ROBO2: variants seen among roughly 807,000 people sequenced by gnomAD.
ROBO2 encodes the protein roundabout guidance receptor 2.
Under a neutral mutation model 160.8 loss-of-function variants are expected in ROBO2, and 53 were observed. The observed-to-expected ratio is 0.33, with a 90% CI of 0.26 to 0.41. The LOEUF is 0.41. Among genes scored for constraint, ROBO2 ranks in the 10% least tolerant of loss-of-function variants. The pLI is 1.00. For missense variants in ROBO2, 1,577 were observed against 1,722.4 expected (o/e 0.92, Z 1.49); for synonymous variants, 664 against 611.7 (o/e 1.09, Z -1.26).
intron 2 of ROBO2, among the ~76,000 whole-genome samples, chr3:75,986,967 A>C (rs2065432082): frequency 6.6e-6 from 1 of 151,728 alleles, no homozygotes; most frequent in Admixed American, 6.6e-5. Context: ...TGTTTTGATT[A>C]CTGAAGGTTT....
intron 12 of ROBO2, 135 bp from the exon 14 acceptor site, chr3:77,568,178 C>T (rs1373002310): frequency 2.2e-6 from 2 of 911,608 alleles, no homozygotes; most frequent in Non-Finnish European, 3.4e-6. Context: ...GGCTTAAATG[C>T]TTTTTGTCAC....
At chr3:77,278,904 C>A (rs2060062651) in intron 2 of ROBO2, among the ~76,000 whole-genome samples, 1 of 152,040 alleles carries the variant, frequency 6.6e-6, no homozygotes, top group African/African-American at 2.4e-5. Flanking sequence ...TTGAAACTAA[C>A]AATTGTTCTA....
At chr3:77,214,032 G>A (rs1013652281) in intron 2 of ROBO2, among the ~76,000 whole-genome samples, 3 of 152,126 alleles carry the variant, frequency 2.0e-5, no homozygotes, top group African/African-American at 7.2e-5. Context: ...GTGTGGTGTG[G>A]TGCTGAAAAG....
intron 2 of ROBO2, among the ~76,000 whole-genome samples, chr3:77,237,643 T>C (rs2088275295): frequency 6.6e-6 from 1 of 152,214 alleles, no homozygotes; most frequent in African/African-American, 2.4e-5. Flanking sequence ...TATTCACCTA[T>C]TGACATGTCA....
chr3:77,201,999 A>C (rs529633350), intron 2 of ROBO2, among the ~76,000 whole-genome samples: 6 of 152,158 alleles, frequency 3.9e-5, no homozygotes, highest in Non-Finnish European at 8.8e-5. Context: ...TAGGATTAAA[A>C]CAAATTATAT....
chr3:76,246,553 G>A (rs1361848712), intron 2 of ROBO2, among the ~76,000 whole-genome samples: 1 of 152,010 alleles, frequency 6.6e-6, no homozygotes, highest in Non-Finnish European at 1.5e-5. Context: ...ATTATTAGTA[G>A]GTTTATGCAT....
At chr3:77,115,559 A>C (rs1455405966) in intron 2 of ROBO2, among the ~76,000 whole-genome samples, 1 of 152,204 alleles carries the variant, frequency 6.6e-6, no homozygotes, top group Non-Finnish European at 1.5e-5. Flanking sequence ...TTTATAAACC[A>C]AGTAACAAAT....
At chr3:77,324,667 A>T (rs1437158228) in intron 2 of ROBO2, among the ~76,000 whole-genome samples, 3 of 146,886 alleles carry the variant, frequency 2.0e-5, no homozygotes, top group African/African-American at 7.7e-5. Flanking sequence ...GTAGTCCCCC[A>T]GCTACTCGGG....
At chr3:76,097,126 A>G (rs1354203481) in intron 2 of ROBO2, among the ~76,000 whole-genome samples, 1 of 152,186 alleles carries the variant, frequency 6.6e-6, no homozygotes, top group East Asian at 1.9e-4. Flanking sequence ...GAGACTATCA[A>G]TATGTCGTGG....
intron 2 of ROBO2, among the ~76,000 whole-genome samples, chr3:77,354,852 TAGAC>T (rs1356120410): frequency 6.6e-6 from 1 of 152,146 alleles, no homozygotes; most frequent in African/African-American, 2.4e-5. Flanking sequence ...AGTTGAGAAG[TAGAC>T]AGGCCAGATG....
intron 2 of ROBO2, among the ~76,000 whole-genome samples, chr3:77,296,902 A>G (rs1317508679): frequency 1.3e-5 from 2 of 152,144 alleles, no homozygotes. Context: ...TTCAGTGGAC[A>G]TGTCTTTCCA....
In ROBO2 at chr3:77,520,432, T is replaced by C. The variant is rs149175488; in HGVS notation, c.807-2343T>C. Among the ~76,000 whole-genome samples, 830 of 151,388 alleles carry C rather than the reference T, an allele frequency of 5.5e-3. 7 individuals carry two copies. The highest frequency in any genetic ancestry group is 0.019 in the African/African-American group (777 of 41,452). ...TCCAAATAAGGTTTTGCAGATACTA[T>C]GAACAATGTGTGCAATAATTTTTTT... On this transcript the variant is annotated intron_variant, in intron 5 of 25. Transcript: ENST00000461745.
chr3:76,094,780 G>A (rs1453273722), intron 2 of ROBO2, among the ~76,000 whole-genome samples: 4 of 152,144 alleles, frequency 2.6e-5, no homozygotes, highest in African/African-American at 4.8e-5. Flanking sequence ...TACAAAATCA[G>A]CCAATATGTT....
At chr3:76,100,077 A>T (rs2069620191) in intron 2 of ROBO2, among the ~76,000 whole-genome samples, 1 of 152,196 alleles carries the variant, frequency 6.6e-6, no homozygotes, top group Admixed American at 6.5e-5. Context: ...ACCAGAATCC[A>T]CATTAAGAAG....
At chr3:77,568,606 A>G (rs563376157) in intron 13 of ROBO2, among the ~76,000 whole-genome samples, 172 bp downstream of exon 14, 1 of 152,216 alleles carries the variant, frequency 6.6e-6, no homozygotes, top group Non-Finnish European at 1.5e-5. Flanking sequence ...GAATAACCAT[A>G]GTAAGAATAG....
At chr3:76,829,269 T>A (rs2066858787) in intron 2 of ROBO2, among the ~76,000 whole-genome samples, 1 of 152,318 alleles carries the variant, frequency 6.6e-6, no homozygotes, top group East Asian at 1.9e-4. Flanking sequence ...CCTGTCAAAA[T>A]GCTGTTAATT....
At chr3:77,048,144 T>C (rs975792795) in intron 1 of ROBO2, among the ~76,000 whole-genome samples, 7 of 152,238 alleles carry the variant, frequency 4.6e-5, no homozygotes, top group Admixed American at 6.5e-5. Context: ...TATTAGATTA[T>C]TATTCCCTGC....
intron 2 of ROBO2, among the ~76,000 whole-genome samples, chr3:76,243,928 C>T (rs1281180968): frequency 1.8e-4 from 27 of 150,816 alleles, no homozygotes; most frequent in Non-Finnish European, 3.5e-4. Context: ...AAGTTTTTTT[C>T]TTTTTTTTTA....
In ROBO2 at chr3:77,481,010, A is replaced by G. The variant is rs2084625657; in HGVS notation, c.547-89A>G. On this transcript the variant is annotated intron_variant, in intron 3 of 25. Transcript: ENST00000461745. ...TTTCCTTTGGGAAACAAATATGCTC[A>G]AATACTCAAAACTATTTATTAATGA... 2.5e-5 allele frequency: 30 copies of G among 1,204,908 alleles called. No individual in the cohort carries two copies. The South Asian group carries it at 3.5e-4, about 14-fold the overall frequency. The allele number at this position is 1,204,908 out of a possible 1,614,324, so 74.6% of individuals were successfully genotyped here.
Sources: gnomAD v4.1 joint callset for allele counts (sites outside exome capture counted in the v4.1 genomes callset) on GRCh38, gnomAD v4.1.1 for gene constraint, MANE v1.5 for transcripts, NCBI Gene and HGNC (gene_info 2026-07-23, HGNC 2026-07-21) for gene names.